VWC2L: variants seen among roughly 807,000 people sequenced by gnomAD.
VWC2L encodes von Willebrand factor C domain containing 2 like, also known as von Willebrand factor C domain-containing protein 2-like.
VWC2L carries 10 observed loss-of-function variants against 21.6 expected under a neutral mutation model. The ratio of observed to expected loss-of-function variants is 0.46; its 90% CI spans 0.29 to 0.78. The LOEUF is 0.78. Among genes scored for constraint, VWC2L ranks in the 30% least tolerant of loss-of-function variants. The pLI, the probability that VWC2L is intolerant of heterozygous loss-of-function variation, is 0.10. For synonymous variants in VWC2L, 96 were observed against 94.3 expected (o/e 1.02, Z -0.10); for missense variants, 209 against 277.1 (o/e 0.75, Z 1.74).
chr2:214,419,168 A>C (rs912071587), intron 2 of VWC2L, among the ~76,000 whole-genome samples: 1 of 152,152 alleles, frequency 6.6e-6, no homozygotes, highest in African/African-American at 2.4e-5. Flanking sequence ...ATTCTTTTTG[A>C]AAACTCTAAA....
At chr2:214,472,529 T>G (rs1359971259) in intron 3 of VWC2L, among the ~76,000 whole-genome samples, 1 of 152,218 alleles carries the variant, frequency 6.6e-6, no homozygotes, top group Non-Finnish European at 1.5e-5. Context: ...GATATAAAAT[T>G]TATCATAGTC....
In VWC2L at chr2:214,522,272, G is replaced by A. The variant is rs911198801; in HGVS notation, c.521-53400G>A. Among the ~76,000 whole-genome samples, 74 of 151,664 alleles carry A rather than the reference G, an allele frequency of 4.9e-4. 1 individual carries two copies. Among genetic ancestry groups the A allele is most frequent in the Non-Finnish European group, 1.6e-4 (11 of 67,958 alleles). ...AGCCTGTAGTCCCAGCTACTCCGGAGGGTGACGCAGGAGAATGGCGTGAAC... is the reference window on the plus strand; with the variant it reads ...AGCCTGTAGTCCCAGCTACTCCGGAAGGTGACGCAGGAGAATGGCGTGAAC... On this transcript the variant is annotated intron_variant, in intron 3 of 3. Coordinates refer to ENST00000312504, the MANE Select transcript of VWC2L (RefSeq NM_001080500.4).
chr2:214,475,979 G>T (rs1182499543), intron 3 of VWC2L, among the ~76,000 whole-genome samples: 1 of 152,132 alleles, frequency 6.6e-6, no homozygotes, highest in Non-Finnish European at 1.5e-5. Flanking sequence ...CAAAGCAGCC[G>T]CAAAACAATT....
chr2:214,561,491 T>C (rs1689969751), intron 3 of VWC2L, among the ~76,000 whole-genome samples: 1 of 152,086 alleles, frequency 6.6e-6, no homozygotes, highest in East Asian at 1.9e-4. Context: ...TAAGAACACA[T>C]TTGGCCAGGC....
At chr2:214,505,472 A>G (rs2105903073) in intron 3 of VWC2L, among the ~76,000 whole-genome samples, 1 of 152,240 alleles carries the variant, frequency 6.6e-6, no homozygotes, top group South Asian at 2.1e-4. Context: ...TCATAACTCC[A>G]AGCCTTGTTT....
intron 3 of VWC2L, among the ~76,000 whole-genome samples, chr2:214,438,436 C>G (rs940981497): frequency 2.6e-5 from 4 of 151,688 alleles, no homozygotes; most frequent in African/African-American, 9.7e-5. Flanking sequence ...CTAAACAAGT[C>G]CTTGAGGCTC....
chr2:214,450,482 T>A (rs78373045), intron 3 of VWC2L, among the ~76,000 whole-genome samples: 1 of 152,194 alleles, frequency 6.6e-6, no homozygotes, highest in Non-Finnish European at 1.5e-5. Flanking sequence ...TTACTAAAAA[T>A]TTGAGGGAAA....
intron 3 of VWC2L, among the ~76,000 whole-genome samples, chr2:214,454,848 T>C (rs1369251515): frequency 1.3e-5 from 2 of 152,022 alleles, no homozygotes; most frequent in Admixed American, 6.6e-5. Flanking sequence ...ATGATCTGCC[T>C]GCCTCATCCT....
intron 3 of VWC2L, among the ~76,000 whole-genome samples, chr2:214,526,841 C>G (rs1041854411): frequency 6.6e-6 from 1 of 152,190 alleles, no homozygotes; most frequent in Admixed American, 6.5e-5. Flanking sequence ...TTCAACTCAG[C>G]AATCCCATTA....
intron 3 of VWC2L, among the ~76,000 whole-genome samples, chr2:214,492,884 A>T (rs1688763464): frequency 6.6e-6 from 1 of 152,178 alleles, no homozygotes; most frequent in Admixed American, 6.5e-5. Flanking sequence ...TACATAAAGG[A>T]TGTGAGTTTG....
chr2:214,421,852 T>C (rs1360609243), intron 2 of VWC2L, among the ~76,000 whole-genome samples: 2 of 148,318 alleles, frequency 1.3e-5, no homozygotes, highest in Admixed American at 6.7e-5. Context: ...TCGGGTGATA[T>C]TAACAAGCAT....
intron 3 of VWC2L, among the ~76,000 whole-genome samples, chr2:214,452,262 C>A (rs1012350319): frequency 1.3e-5 from 2 of 152,106 alleles, no homozygotes; most frequent in African/African-American, 4.8e-5. Context: ...CTCAGATGAT[C>A]CTCCCACCTC....
intron 3 of VWC2L, among the ~76,000 whole-genome samples, chr2:214,559,149 C>T (rs1280441777): frequency 2.0e-5 from 3 of 151,358 alleles, no homozygotes; most frequent in Non-Finnish European, 4.4e-5. Context: ...AAGAAAAAAA[C>T]AAACAACCCC....
intron 3 of VWC2L, among the ~76,000 whole-genome samples, chr2:214,484,167 G>A (rs1355610105): frequency 6.6e-6 from 1 of 152,014 alleles, no homozygotes; most frequent in African/African-American, 2.4e-5. Context: ...CTGGATTAGG[G>A]CCCACTCTAA....
chr2:214,440,447 C>T (rs1305089549), intron 3 of VWC2L, among the ~76,000 whole-genome samples: 1 of 151,894 alleles, frequency 6.6e-6, no homozygotes, highest in African/African-American at 2.4e-5. Context: ...ATCTTTCAGC[C>T]CCAGGCCTTT....
At chr2:214,417,866 G>T (rs886609994) in intron 2 of VWC2L, among the ~76,000 whole-genome samples, 1 of 152,124 alleles carries the variant, frequency 6.6e-6, no homozygotes, top group African/African-American at 2.4e-5. Flanking sequence ...TAATAGTGGA[G>T]GAAGGAAGTC....
chr2:214,472,382 G>C (rs1048381827), intron 3 of VWC2L: 1 of 152,202 alleles, frequency 6.6e-6, no homozygotes, highest in Admixed American at 6.5e-5. Flanking sequence ...TTTTTCACTA[G>C]AGTCTAGAAT....
chr2:214,527,262 GT>G (rs1239436878), intron 3 of VWC2L, among the ~76,000 whole-genome samples: 1 of 152,132 alleles, frequency 6.6e-6, no homozygotes, highest in East Asian at 1.9e-4. Context: ...GAGGGAAGGA[GT>G]GGGGCAAGAG....
chr2:214,503,686 T>A, intron 3 of VWC2L, among the ~76,000 whole-genome samples: 1 of 150,144 alleles, frequency 6.7e-6, no homozygotes. Flanking sequence ...AATTCCACTA[T>A]GTACACAATC....
Sources: gnomAD v4.1 joint callset for allele counts (sites outside exome capture counted in the v4.1 genomes callset) on GRCh38, gnomAD v4.1.1 for gene constraint, MANE v1.5 for transcripts, NCBI Gene and HGNC (gene_info 2026-07-23, HGNC 2026-07-21) for gene names.